Variants in EPS15 observed in about 807,000 individuals in gnomAD.
EPS15 encodes the protein epidermal growth factor receptor pathway substrate 15.
A neutral mutation model predicts 113.8 loss-of-function variants in EPS15; 72 were observed. The ratio of observed to expected loss-of-function variants is 0.63; its 90% CI spans 0.52 to 0.77. The LOEUF is 0.77. Among genes scored for constraint, EPS15 ranks in the 30% least tolerant of loss-of-function variants. The pLI is 0.00. For missense variants in EPS15, 1,048 were observed against 1,045.8 expected (o/e 1.00, Z -0.03); for synonymous variants, 344 against 363.4 (o/e 0.95, Z 0.61).
At chr1:51,401,402 G>A (rs987398993) in intron 18 of EPS15, among the ~76,000 whole-genome samples, 1 of 152,170 alleles carries the variant, frequency 6.6e-6, no homozygotes, top group Non-Finnish European at 1.5e-5. Context: ...AACAAATGGT[G>A]TTAGGACAAC....
chr1:51,385,584 G>A (rs186931414), intron 21 of EPS15, among the ~76,000 whole-genome samples: 7 of 152,186 alleles, frequency 4.6e-5, no homozygotes, highest in Admixed American at 3.9e-4. Context: ...TGAAAGCAGG[G>A]ACTCAGATAT....
intron 1 of EPS15, among the ~76,000 whole-genome samples, chr1:51,515,640 A>C (rs1387777917): frequency 6.6e-6 from 1 of 152,256 alleles, no homozygotes; most frequent in Non-Finnish European, 1.5e-5. Flanking sequence ...CATCCAAGAT[A>C]TTATCAAAGG....
intron 12 of EPS15, among the ~76,000 whole-genome samples, chr1:51,428,077 AATGAT>A (rs1651376083): frequency 6.6e-6 from 1 of 152,152 alleles, no homozygotes; most frequent in Non-Finnish European, 1.5e-5. Context: ...AAGGCAATGA[AATGAT>A]ATATTTAAAG....
intron 5 of EPS15, 115 bp downstream of exon 5, chr1:51,468,358 C>A: frequency 1.3e-6 from 1 of 772,416 alleles, no homozygotes; most frequent in South Asian, 1.6e-5. Flanking sequence ...AGCCAAGTAG[C>A]TGAGTGAAAG....
intron 2 of EPS15, among the ~76,000 whole-genome samples, chr1:51,476,197 G>C (rs1421957832): frequency 1.3e-5 from 2 of 152,092 alleles, no homozygotes; most frequent in South Asian, 4.1e-4. Flanking sequence ...ACCATTTTTG[G>C]TTCCATATGA....
At chr1:51,455,355 T>TA (rs1311108428) in intron 8 of EPS15, among the ~76,000 whole-genome samples, 2 of 152,080 alleles carry the variant, frequency 1.3e-5, no homozygotes, top group Non-Finnish European at 2.9e-5. Flanking sequence ...TTTGGGAGGC[T>TA]AAGGCAGGTG....
intron 2 of EPS15, 100 bp from the exon 3 acceptor site, chr1:51,473,048 G>C (rs113239799): frequency 2.2e-5 from 19 of 860,200 alleles, no homozygotes; most frequent in African/African-American, 5.1e-5. Context: ...CCTGGCTTTT[G>C]CAAGAAAGGA....
At chr1:51,488,472 TAAAA>T (rs71063033) in intron 1 of EPS15, among the ~76,000 whole-genome samples, 55 of 85,306 alleles carry the variant, frequency 6.4e-4, no homozygotes, top group African/African-American at 2.4e-3. Flanking sequence ...TAAAGTTTTG[TAAAA>T]AAAAAAAAAA....
At chr1:51,398,322 G>T (rs1648172064) in intron 20 of EPS15, among the ~76,000 whole-genome samples, 1 of 152,076 alleles carries the variant, frequency 6.6e-6, no homozygotes, top group Non-Finnish European at 1.5e-5. Context: ...CAAAGTGCTG[G>T]GATTACAGGC....
At chr1:51,504,882 C>A (rs760674967) in intron 1 of EPS15, among the ~76,000 whole-genome samples, 1 of 152,034 alleles carries the variant, frequency 6.6e-6, no homozygotes, top group East Asian at 1.9e-4. Flanking sequence ...GTGCTTTGGG[C>A]GGCCGAAGCG....
At chr1:51,505,329 C>A (rs756387316) in intron 1 of EPS15, among the ~76,000 whole-genome samples, 2 of 152,108 alleles carry the variant, frequency 1.3e-5, no homozygotes, top group Non-Finnish European at 2.9e-5. Flanking sequence ...TATAACCATA[C>A]GATGGAATAT....
intron 20 of EPS15, 35 bp from the exon 21 acceptor site, chr1:51,394,482 G>A: frequency 2.9e-6 from 4 of 1,373,048 alleles, no homozygotes; most frequent in African/African-American, 1.4e-5. Context: ...AATGAGAGAG[G>A]CAACACTTCA....
At chr1:51,434,421 T>C (rs995347206) in intron 12 of EPS15, among the ~76,000 whole-genome samples, 1 of 152,212 alleles carries the variant, frequency 6.6e-6, no homozygotes. Flanking sequence ...GAGGATATTA[T>C]GCTGAGTGAA....
chr1:51,376,634 A>C (rs907852662), intron 21 of EPS15, among the ~76,000 whole-genome samples: 7 of 152,302 alleles, frequency 4.6e-5, no homozygotes, highest in Admixed American at 4.6e-4. Flanking sequence ...ACTGTGCTCC[A>C]GCCTGGGCAA....
chr1:51,439,833 C>T (rs1196054456), intron 12 of EPS15, among the ~76,000 whole-genome samples: 2 of 151,994 alleles, frequency 1.3e-5, no homozygotes, highest in Non-Finnish European at 2.9e-5. Context: ...AACACCACCA[C>T]CTATCTCAAA....
chr1:51,358,698 T>C (rs1646299391), intron 24 of EPS15, among the ~76,000 whole-genome samples: 1 of 147,860 alleles, frequency 6.8e-6, no homozygotes, highest in Non-Finnish European at 1.5e-5. Flanking sequence ...CAACCAGATT[T>C]GTTTTTTTTT....
intron 21 of EPS15, among the ~76,000 whole-genome samples, chr1:51,369,359 G>A (rs772751403): frequency 8.5e-5 from 13 of 152,164 alleles, no homozygotes; most frequent in African/African-American, 2.7e-4. Context: ...CAGATCACGC[G>A]TAAGATACCT....
chr1:51,450,146 A>C (rs2148485912), intron 8 of EPS15, among the ~76,000 whole-genome samples: 1 of 151,790 alleles, frequency 6.6e-6, no homozygotes, highest in South Asian at 2.1e-4. Flanking sequence ...GCTGTGGTGA[A>C]GGATTGGGCA....
chr1:51,461,644 AC>A (rs927540573), intron 7 of EPS15: 1 of 152,234 alleles, frequency 6.6e-6, no homozygotes, highest in African/African-American at 2.4e-5. Flanking sequence ...ATGGAAAGCT[AC>A]TAAAAAGTTA....
Sources: allele counts gnomAD v4.1 joint callset (sites outside exome capture counted in the v4.1 genomes callset), GRCh38; gene constraint gnomAD v4.1.1; transcripts MANE v1.5; gene names NCBI Gene and HGNC (gene_info 2026-07-23, HGNC 2026-07-21).